LIMS2: variants seen among roughly 807,000 people sequenced by gnomAD.
LIMS2 encodes the protein LIM and senescent cell antigen-like-containing domain protein 2.
Under a neutral mutation model 45.3 loss-of-function variants are expected in LIMS2, and 30 were observed. That is an observed-to-expected ratio of 0.66 (90% confidence interval 0.50 to 0.90). The LOEUF (loss-of-function observed/expected upper bound fraction) is 0.90. Among genes scored for constraint, LIMS2 ranks in the 40% least tolerant of loss-of-function variants. The probability of loss-of-function intolerance (pLI) is 0.00; values close to 1 mark genes in which losing one functional copy is unlikely to be tolerated. For missense variants in LIMS2, 485 were observed against 468.7 expected (o/e 1.03, Z -0.32); for synonymous variants, 173 against 188.0 (o/e 0.92, Z 0.65).
chr2:127,651,505 T>C (rs947960502), intron 4 of LIMS2: 2 of 1,612,798 alleles, frequency 1.2e-6, no homozygotes, highest in Non-Finnish European at 1.7e-6. Flanking sequence ...AACCGCTCCG[T>C]CTACGTGCTG....
intron 1 of LIMS2, among the ~76,000 whole-genome samples, chr2:127,661,223 A>G (rs999123427): frequency 6.6e-6 from 1 of 152,220 alleles, no homozygotes; most frequent in Non-Finnish European, 1.5e-5. Flanking sequence ...TGGGACCTGG[A>G]GAGAGATGCT....
chr2:127,644,173 G>A (rs529042401), intron 4 of LIMS2: 1 of 449,360 alleles, frequency 2.2e-6, no homozygotes, highest in South Asian at 1.6e-5. Flanking sequence ...CCCAAACAAA[G>A]GCCCAGCAGT....
At chr2:127,660,579 G>C (rs1031878205) in intron 1 of LIMS2, among the ~76,000 whole-genome samples, 1 of 152,164 alleles carries the variant, frequency 6.6e-6, no homozygotes, top group African/African-American at 2.4e-5. Context: ...AAGTCAGTAA[G>C]ACCACAACCC....
At chr2:127,639,941 C>T in intron 9 of LIMS2, 129 bp downstream of exon 9, 1 of 975,028 alleles carries the variant, frequency 1.0e-6, no homozygotes, top group Non-Finnish European at 1.6e-6. Context: ...TGGTATAAGG[C>T]CGGGCTGCCC....
rs764541588 is a variant in LIMS2 at position 127,639,264 on chromosome 2, G to A, written c.*17C>T. 5 of 1,611,586 alleles carry A rather than the reference G, an allele frequency of 3.1e-6. No individual in the cohort carries two copies. In the African/African-American group the frequency reaches 6.7e-5, roughly 22 times the overall value. Reference sequence around the variant, plus strand: ...GAGAAGGCGGAGGGGCCGAGAGGCAGCTGCGCAAGAGGGCCTTCAGGCAGA... The same window carrying A: ...GAGAAGGCGGAGGGGCCGAGAGGCAACTGCGCAAGAGGGCCTTCAGGCAGA... On this transcript the variant is annotated 3_prime_UTR_variant, in exon 10 of 10. Transcript: ENST00000355119.
chr2:127,649,827 G>A (rs778782451), intron 4 of LIMS2: 30 of 595,918 alleles, frequency 5.0e-5, no homozygotes, highest in Admixed American at 2.1e-4. Context: ...AGGCCTCTCT[G>A]GGGCTGCAGA....
At chr2:127,650,903 C>T in intron 4 of LIMS2, 1 of 1,614,108 alleles carries the variant, frequency 6.2e-7, no homozygotes, top group Non-Finnish European at 8.5e-7. Context: ...TGTGGCTTTT[C>T]ATCCGAGACC....
chr2:127,646,572 G>A (rs1683008188), intron 4 of LIMS2: 1 of 152,318 alleles, frequency 6.6e-6, no homozygotes, highest in Non-Finnish European at 1.5e-5. Context: ...GCCAGGGATG[G>A]AGTGGCGCTA....
In LIMS2 at chr2:127,675,126, A is replaced by G. The variant is rs1468745639; in HGVS notation, c.-102T>C. On this transcript the variant is annotated 5_prime_UTR_variant, in exon 1 of 10. Transcript: ENST00000355119. ...GCCCGCCCGCCAGCCCGGGCCGCGG[A>G]GCAGGGAGACGCCCAAAAAAGGCCA... 5.9e-5 allele frequency: 64 copies of G among 1,092,852 alleles called. No individual in the cohort carries two copies. The highest frequency in any genetic ancestry group is 7.2e-5 in the Non-Finnish European group (63 of 879,884). The allele number at this position is 1,092,852 out of a possible 1,614,324, so 67.7% of individuals were successfully genotyped here. A position where few individuals can be genotyped will look rare whatever the true frequency, so the allele number is the denominator to read the frequency against.
At chr2:127,660,347 T>G (rs1488347940) in intron 1 of LIMS2, among the ~76,000 whole-genome samples, 1 of 152,176 alleles carries the variant, frequency 6.6e-6, no homozygotes, top group East Asian at 1.9e-4. Flanking sequence ...GTGGAAAGTT[T>G]GTTCTTTTGC....
chr2:127,670,600 A>C (rs1305451944), intron 1 of LIMS2, among the ~76,000 whole-genome samples: 1 of 152,268 alleles, frequency 6.6e-6, no homozygotes, highest in Non-Finnish European at 1.5e-5. Flanking sequence ...TGAATTTTAC[A>C]ATCTAAAGTG....
At chr2:127,656,499 T>G (rs1160066506) in intron 2 of LIMS2, among the ~76,000 whole-genome samples, 1 of 151,476 alleles carries the variant, frequency 6.6e-6, no homozygotes, top group Non-Finnish European at 1.5e-5. Flanking sequence ...CTGCAACCTC[T>G]GCCTCCCAGG....
At chr2:127,650,046 A>G (rs1436839060) in intron 4 of LIMS2, 10 of 1,608,500 alleles carry the variant, frequency 6.2e-6, no homozygotes, top group Non-Finnish European at 7.6e-6. Context: ...GGATCCAGAA[A>G]GCCCCCAAGA....
At position 127,640,085 on chromosome 2, in the gene LIMS2, C is replaced by A; in HGVS notation, c.863G>T (p.Ser288Ile). The A allele has an allele frequency of 1.9e-6, 3 of 1,613,530 alleles. No individual in the cohort carries two copies. The highest frequency in any genetic ancestry group is 2.2e-5 in the South Asian group (2 of 91,086). ...VSCFSCSTCN[S>I]KLTLKNKFVE... ...AGGGACTCACTTCAGGGTGAGCTTGCTGTTGCAGGTGGAGCAGGAGAAGCA... is the reference window on the plus strand; with the variant it reads ...AGGGACTCACTTCAGGGTGAGCTTGATGTTGCAGGTGGAGCAGGAGAAGCA... Residue 288 changes from serine (S) to isoleucine (I), a missense_variant, in exon 9 of 10, where the codon AGC becomes ATC. Coordinates refer to ENST00000355119, the MANE Select transcript of LIMS2 (RefSeq NM_001161403.3).
intron 1 of LIMS2, among the ~76,000 whole-genome samples, chr2:127,661,758 G>A (rs888557803): frequency 6.6e-6 from 1 of 152,242 alleles, no homozygotes; most frequent in African/African-American, 2.4e-5. Flanking sequence ...CCCTGAGTCT[G>A]AGGTGGGATC....
chr2:127,654,425 T>G lies in LIMS2; in HGVS notation c.358A>C (p.Arg120=). 1.2e-6 allele frequency: 2 copies of G among 1,614,024 alleles called. No homozygotes were observed. The highest frequency in any genetic ancestry group is 1.3e-5 in the African/African-American group (1 of 75,062). The change falls in exon 4 of 10, where the codon AGG becomes CGG. Residue 120 remains arginine, a splice_region_variant and synonymous_variant. Coordinates refer to ENST00000355119, the MANE Select transcript of LIMS2 (RefSeq NM_001161403.3). ...ADLGFVKNAG[R]HLCRPCHNRE... is the part of the protein sequence containing the mutation. The stretch of plus-strand genomic sequence containing the variant: ...TCTGGCCCAACACGGCCACCTCACC[T>G]GCCGGCATTCTTCACAAAGCCCAGG...
Position 127,643,010 on chromosome 2 carries a change from T to C in LIMS2, c.422A>G (p.Gln141Arg). The C allele has an allele frequency of 6.3e-7, 1 of 1,583,332 alleles. No individual in the cohort carries two copies. Among genetic ancestry groups the C allele is most frequent in the Non-Finnish European group, 8.6e-7 (1 of 1,165,032 alleles). Residue 141 changes from glutamine to arginine, a missense_variant, in exon 5 of 10, where the codon CAG becomes CGG. Coordinates refer to ENST00000355119, the MANE Select transcript of LIMS2 (RefSeq NM_001161403.3). ...KAKGLGKYICQRCHLVIDEQP... is the reference protein window; with the variant it reads ...KAKGLGKYICRRCHLVIDEQP... ...CTCGTCGATGACCAGGTGGCACCGCTGGCAGATGTACTTGCCCAGGCCCTT... is the reference window on the plus strand; with the variant it reads ...CTCGTCGATGACCAGGTGGCACCGCCGGCAGATGTACTTGCCCAGGCCCTT...
At chr2:127,645,458 G>C (rs1271998216) in intron 4 of LIMS2, among the ~76,000 whole-genome samples, 1 of 152,286 alleles carries the variant, frequency 6.6e-6, no homozygotes, top group East Asian at 1.9e-4. Flanking sequence ...ACCCCAGCCC[G>C]GAGCCACCCC....
intron 4 of LIMS2, chr2:127,650,756 T>A (rs1558880903): frequency 1.9e-6 from 3 of 1,612,138 alleles, no homozygotes; most frequent in Non-Finnish European, 2.5e-6. Flanking sequence ...TTGAAGTGGC[T>A]CCCCCAGGTC....
Sources: gnomAD v4.1 joint callset for allele counts (sites outside exome capture counted in the v4.1 genomes callset) on GRCh38, gnomAD v4.1.1 for gene constraint, MANE v1.5 for transcripts, NCBI Gene and HGNC (gene_info 2026-07-23, HGNC 2026-07-21) for gene names.